Variants in ANKRD31 observed in about 807,000 individuals in gnomAD.
The protein encoded by ANKRD31 is ankyrin repeat domain 31.
A neutral mutation model predicts 186.0 loss-of-function variants in ANKRD31; 147 were observed. That is an observed-to-expected ratio of 0.79 (90% confidence interval 0.69 to 0.91). The LOEUF (loss-of-function observed/expected upper bound fraction) is 0.91. ANKRD31 is among the 40% of genes least tolerant of loss of function. The pLI is 0.00. For synonymous variants in ANKRD31, 673 were observed against 736.4 expected (o/e 0.91, Z 1.39); for missense variants, 1,986 against 2,148.8 (o/e 0.92, Z 1.50).
intron 17 of ANKRD31, among the ~76,000 whole-genome samples, chr5:75,134,193 A>T (rs36152360): frequency 1.3e-5 from 2 of 152,162 alleles, no homozygotes; most frequent in Non-Finnish European, 2.9e-5. Context: ...ATAGAGACAC[A>T]AAAAACCCTT....
intron 11 of ANKRD31, among the ~76,000 whole-genome samples, chr5:75,168,247 C>G (rs1392680460): frequency 6.6e-6 from 1 of 152,092 alleles, no homozygotes; most frequent in Non-Finnish European, 1.5e-5. Context: ...ATAGGCAGAA[C>G]AAATCTTCTT....
intron 9 of ANKRD31, among the ~76,000 whole-genome samples, chr5:75,190,358 TTAG>T (rs1323973352): frequency 6.6e-6 from 1 of 152,214 alleles, no homozygotes; most frequent in Non-Finnish European, 1.5e-5. Flanking sequence ...TGAAGGATAC[TTAG>T]TCTAATTTTC....
intron 15 of ANKRD31, among the ~76,000 whole-genome samples, chr5:75,140,930 G>T (rs1474314428): frequency 6.6e-6 from 1 of 151,964 alleles, no homozygotes; most frequent in Non-Finnish European, 1.5e-5. Context: ...TCTGTTAGAG[G>T]TCCCAACTAA....
At chr5:75,083,121 T>G (rs1745212193) in intron 24 of ANKRD31, among the ~76,000 whole-genome samples, 1 of 152,216 alleles carries the variant, frequency 6.6e-6, no homozygotes. Context: ...TTCATTTATG[T>G]TTCATATACA....
intron 22 of ANKRD31, among the ~76,000 whole-genome samples, chr5:75,097,618 T>C (rs917834851): frequency 1.3e-5 from 2 of 152,224 alleles, no homozygotes; most frequent in African/African-American, 4.8e-5. Flanking sequence ...GCCTCTTCAC[T>C]CTGATGGCAG....
rs1488350177 is a variant in ANKRD31 at position 75,146,618 on chromosome 5, C to T, written c.2793G>A (p.Lys931=). ...STGGKKHYNF[K]ENLTNKKEMG... is the part of the protein sequence containing the mutation. Reference sequence around the variant, plus strand: ...TTTCTTTTTTATTTGTTAAATTCTCCTTAAAATTATAGTGTTTTTTGCCAC... The same window carrying T: ...TTTCTTTTTTATTTGTTAAATTCTCTTTAAAATTATAGTGTTTTTTGCCAC... The change falls in exon 14 of 26, where the codon AAG becomes AAA. Residue 931 remains lysine, a synonymous_variant. Coordinates refer to ENST00000506364, the MANE Select transcript of ANKRD31 (RefSeq NM_001372053.1). The T allele has an allele frequency of 3.9e-6, 6 of 1,535,220 alleles. No individual in the cohort carries two copies. The highest frequency in any genetic ancestry group is 1.7e-4 in the Middle Eastern group (1 of 5,992).
chr5:75,219,209 G>T (rs1456283374), intron 3 of ANKRD31, among the ~76,000 whole-genome samples: 1 of 152,186 alleles, frequency 6.6e-6, no homozygotes, highest in Non-Finnish European at 1.5e-5. Context: ...ATCCCTGTTT[G>T]CAAATGACAT....
At chr5:75,070,830 T>G (rs951028598) in intron 25 of ANKRD31, among the ~76,000 whole-genome samples, 1 of 152,206 alleles carries the variant, frequency 6.6e-6, no homozygotes, top group Admixed American at 6.5e-5. Flanking sequence ...TAGTGGATCA[T>G]GCCTGTAATC....
rs994620649 is a variant in ANKRD31, at chr5:75,144,099, G to GT, written c.3496dup (p.Thr1166AsnfsTer10). On this transcript the variant is annotated frameshift_variant, in exon 15 of 26. Transcript: ENST00000506364. LOFTEE classifies it high-confidence loss of function. The stretch of plus-strand genomic sequence containing the variant: ...AGTAGGCATGTGAATTTCTGACTCC[G>GT]TTTTTTCTTTTATCTCCTCACAATT... 2.3e-5 allele frequency: 9 copies of GT among 397,366 alleles called. No homozygotes were observed. Among genetic ancestry groups the GT allele is most frequent in the Non-Finnish European group, 3.5e-5 (8 of 225,356 alleles). The allele number at this position is 397,366 out of a possible 1,614,324, so 24.6% of individuals were successfully genotyped here.
At chr5:75,176,983 GA>G (rs1036277396) in intron 10 of ANKRD31, among the ~76,000 whole-genome samples, 2 of 151,874 alleles carry the variant, frequency 1.3e-5, no homozygotes, top group Admixed American at 1.3e-4. Flanking sequence ...TAAAAACTAT[GA>G]AAAAAAATTA....
intron 2 of ANKRD31, among the ~76,000 whole-genome samples, chr5:75,227,093 T>C (rs952057627): frequency 6.6e-6 from 1 of 152,196 alleles, no homozygotes; most frequent in Non-Finnish European, 1.5e-5. Context: ...AGTGGAGTAC[T>C]ATTCAGCCAT....
At chr5:75,084,184 G>A in intron 24 of ANKRD31, 88 bp downstream of exon 24, 1 of 982,090 alleles carries the variant, frequency 1.0e-6, no homozygotes, top group Non-Finnish European at 1.5e-6. Flanking sequence ...ACATCAATGA[G>A]AAAAAAGACA....
At position 75,085,319 on chromosome 5, in the gene ANKRD31, T is replaced by A. The variant is rs546175365; in HGVS notation, c.5473-945A>T. Reference sequence around the variant, plus strand: ...CAAATACCCTCAGCAGTTCACAGAGTGCCTGACGATACTGGATAAAAGACT... The same window carrying A: ...CAAATACCCTCAGCAGTTCACAGAGAGCCTGACGATACTGGATAAAAGACT... On this transcript the variant is annotated intron_variant, in intron 23 of 25. Transcript: ENST00000506364. 3.3e-5 allele frequency among the ~76,000 whole-genome samples: 5 copies of A among 152,188 alleles called. No homozygotes were observed. The South Asian group carries it at 1.0e-3, about 32-fold the overall frequency.
intron 8 of ANKRD31, 36 bp from the exon 9 acceptor site, chr5:75,192,812 G>C: frequency 7.0e-7 from 1 of 1,424,348 alleles, no homozygotes; most frequent in Non-Finnish European, 9.4e-7. Flanking sequence ...TGGCTATAAC[G>C]GTTTTTGCAA....
chr5:75,150,288 T>C (rs1751754256), intron 12 of ANKRD31, among the ~76,000 whole-genome samples: 1 of 151,944 alleles, frequency 6.6e-6, no homozygotes, highest in African/African-American at 2.4e-5. Context: ...TACTTTAAGC[T>C]AGAAAAGCAG....
chr5:75,096,651 T>A (rs955868368), intron 22 of ANKRD31, among the ~76,000 whole-genome samples: 17 of 151,486 alleles, frequency 1.1e-4, no homozygotes, highest in African/African-American at 4.2e-4. Flanking sequence ...AAGTCTTTAA[T>A]CCACCTTTAA....
rs191911788 is a variant in ANKRD31 at position 75,095,651 on chromosome 5, T to C, written c.5332-4250A>G. ...GCCCATCAGTCACTTGGTAGAAATC[T>C]AGGTTATCAGATTGCAAGGCTTGGG... On this transcript the variant is annotated intron_variant, in intron 22 of 25. Transcript: ENST00000506364. Among the ~76,000 whole-genome samples the C allele has an allele frequency of 1.6e-3, 244 of 152,314 alleles. 2 individuals are homozygous for C. In the South Asian group the frequency reaches 0.023, roughly 14 times the overall value.
intron 11 of ANKRD31, among the ~76,000 whole-genome samples, chr5:75,166,514 CACACATAAAATG>C (rs1327802921): frequency 6.6e-6 from 1 of 152,036 alleles, no homozygotes; most frequent in Non-Finnish European, 1.5e-5. Context: ...TCACTGTAGA[CACACATAAAATG>C]AATAATCACC....
intron 10 of ANKRD31, among the ~76,000 whole-genome samples, chr5:75,169,493 A>G (rs906591652): frequency 6.6e-6 from 1 of 152,150 alleles, no homozygotes; most frequent in Non-Finnish European, 1.5e-5. Flanking sequence ...AGTTCAAGGT[A>G]CTTCCATTAA....
Sources: gnomAD v4.1 joint callset for allele counts (sites outside exome capture counted in the v4.1 genomes callset) on GRCh38, gnomAD v4.1.1 for gene constraint, MANE v1.5 for transcripts, NCBI Gene and HGNC (gene_info 2026-07-23, HGNC 2026-07-21) for gene names.